Variants in WDR49 observed in about 807,000 individuals in gnomAD.
The protein encoded by WDR49 is cilia- and flagella-associated protein 337.
WDR49 carries 107 observed loss-of-function variants against 119.5 expected under a neutral mutation model. The ratio of observed to expected loss-of-function variants is 0.90; its 90% CI spans 0.77 to 1.05. The LOEUF is 1.05. Among genes scored for constraint, WDR49 ranks in the 50% least tolerant of loss-of-function variants. WDR49 has a pLI of 0.00. For missense variants in WDR49, 1,240 were observed against 1,220.5 expected (o/e 1.02, Z -0.24); for synonymous variants, 425 against 418.8 (o/e 1.01, Z -0.18).
Position 167,626,876 on chromosome 3 carries a change from C to A in WDR49, c.582G>T (p.Leu194=). Residue 194 remains leucine (L), a synonymous_variant, in exon 3 of 19, where the codon CTG becomes CTT. Coordinates refer to ENST00000682715, the MANE Select transcript of WDR49 (RefSeq NM_001366157.1). ...TKLKHLWVTS[L]VSLENVNKIA... ...CCTTGTTTACATTTTCCAGAGAAACCAGACTTGTCACCCACAGGTGTTTGA... is the reference window on the plus strand; with the variant it reads ...CCTTGTTTACATTTTCCAGAGAAACAAGACTTGTCACCCACAGGTGTTTGA... The A allele has an allele frequency of 8.0e-7, 1 of 1,249,776 alleles. No individual in the cohort carries two copies. The highest frequency in any genetic ancestry group is 1.0e-6 in the Non-Finnish European group (1 of 996,874). 77.4% of individuals were successfully genotyped at this position (1,249,776 alleles called of 1,614,324 possible).
intron 2 of WDR49, among the ~76,000 whole-genome samples, chr3:167,643,308 G>A (rs546265771): frequency 4.3e-4 from 65 of 152,096 alleles, no homozygotes; most frequent in African/African-American, 1.4e-3. Context: ...AGATAACTAC[G>A]CAGTATTCTT....
At chr3:167,533,761 C>A (rs185895427) in intron 11 of WDR49, among the ~76,000 whole-genome samples, 1 of 152,194 alleles carries the variant, frequency 6.6e-6, no homozygotes, top group Admixed American at 6.5e-5. Flanking sequence ...AGGAACAAAG[C>A]AGCAACGCCC....
At chr3:167,505,232 C>A in intron 17 of WDR49, 75 bp downstream of exon 17, 1 of 1,296,146 alleles carries the variant, frequency 7.7e-7, no homozygotes, top group South Asian at 2.3e-5. Context: ...TCCTGACACA[C>A]AGAGTAGACA....
intron 5 of WDR49, among the ~76,000 whole-genome samples, chr3:167,607,527 A>G (rs548240977): frequency 6.6e-6 from 1 of 152,238 alleles, no homozygotes; most frequent in African/African-American, 2.4e-5. Flanking sequence ...AATTATTCCA[A>G]GTTTCCTAAT....
At position 167,645,446 on chromosome 3, in the gene WDR49, G is replaced by C. The variant is rs1718075790; in HGVS notation, c.165+7815C>G. Among the ~76,000 whole-genome samples the C allele has an allele frequency of 1.3e-5, 2 of 152,090 alleles. 1 individual carries two copies. The highest frequency in any genetic ancestry group is 1.3e-4 in the Admixed American group (2 of 15,258). ...GCTAGTCTTGAACTCCTGACCTCAA[G>C]TAGTTGTGCCCGCCTTGGCCTCCCA... On this transcript the variant is annotated intron_variant, in intron 2 of 18. Coordinates refer to ENST00000682715, the MANE Select transcript of WDR49 (RefSeq NM_001366157.1).
chr3:167,544,061 G>T (rs1553864614), intron 10 of WDR49, among the ~76,000 whole-genome samples: 1 of 139,834 alleles, frequency 7.2e-6, no homozygotes, highest in South Asian at 2.3e-4. Flanking sequence ...TTTTAAGACA[G>T]CTGCAAAAAA....
At chr3:167,531,504 G>A (rs1413074280) in intron 12 of WDR49, among the ~76,000 whole-genome samples, 1 of 151,972 alleles carries the variant, frequency 6.6e-6, no homozygotes, top group Admixed American at 6.6e-5. Context: ...CACTTGCTCT[G>A]TTTTCACTTG....
upstream of WDR49, among the ~76,000 whole-genome samples, chr3:167,655,727 G>A (rs563443937): frequency 1.6e-4 from 25 of 152,168 alleles, no homozygotes; most frequent in Middle Eastern, 6.8e-3. Context: ...GAGGAACCCC[G>A]TCTCTACTAA....
chr3:167,608,073 G>A (rs1211127932), intron 5 of WDR49, among the ~76,000 whole-genome samples: 1 of 152,068 alleles, frequency 6.6e-6, no homozygotes, highest in Admixed American at 6.6e-5. Flanking sequence ...GGAACATAAA[G>A]TCCCATGATT....
upstream of WDR49, among the ~76,000 whole-genome samples, chr3:167,655,873 G>C (rs1436172501): frequency 1.3e-5 from 2 of 152,140 alleles, no homozygotes; most frequent in African/African-American, 2.4e-5. Flanking sequence ...CCTCCAGCCT[G>C]AGTGACAGAG....
intron 18 of WDR49, among the ~76,000 whole-genome samples, chr3:167,488,416 G>T (rs78541716): frequency 6.6e-5 from 10 of 151,974 alleles, no homozygotes; most frequent in Non-Finnish European, 7.4e-5. Context: ...TGAGGGGCAT[G>T]GTTTGCAAAA....
At chr3:167,622,142 C>T (rs1214923906) in intron 3 of WDR49, among the ~76,000 whole-genome samples, 1 of 152,082 alleles carries the variant, frequency 6.6e-6, no homozygotes, top group Non-Finnish European at 1.5e-5. Flanking sequence ...TAGAAAATGT[C>T]CCTGTAGAGA....
At chr3:167,521,735 A>C (rs1424369275) in intron 16 of WDR49, among the ~76,000 whole-genome samples, 1 of 152,184 alleles carries the variant, frequency 6.6e-6, no homozygotes, top group Non-Finnish European at 1.5e-5. Flanking sequence ...ATGGTTTAGC[A>C]AAAGTGTAGA....
chr3:167,607,385 G>A (rs1425624840), intron 5 of WDR49, among the ~76,000 whole-genome samples: 1 of 152,080 alleles, frequency 6.6e-6, no homozygotes, highest in Non-Finnish European at 1.5e-5. Flanking sequence ...TACGTTTCTT[G>A]CTTATCCCCC....
At chr3:167,655,925 C>CTATA (rs1182593813), upstream of WDR49, among the ~76,000 whole-genome samples, 2 of 151,456 alleles carry the variant, frequency 1.3e-5, no homozygotes, top group South Asian at 2.1e-4. Context: ...CTCTCTCTCT[C>CTATA]TATATATATA....
At chr3:167,547,345 C>T (rs762518933) in intron 10 of WDR49, among the ~76,000 whole-genome samples, 3 of 151,628 alleles carry the variant, frequency 2.0e-5, no homozygotes, top group Non-Finnish European at 4.4e-5. Context: ...ATGAAGGATG[C>T]TAATATAAAT....
intron 16 of WDR49, among the ~76,000 whole-genome samples, chr3:167,516,491 G>T (rs1752209377): frequency 6.6e-6 from 1 of 152,022 alleles, no homozygotes; most frequent in Non-Finnish European, 1.5e-5. Context: ...TCTTAATCAA[G>T]TCTATCATTG....
chr3:167,621,541 T>C lies in WDR49; in HGVS notation c.709A>G (p.Ile237Val), dbSNP rs1447157789. 2 of 1,535,656 alleles carry C rather than the reference T, an allele frequency of 1.3e-6. No homozygotes were observed. Among genetic ancestry groups the C allele is most frequent in the Non-Finnish European group, 1.7e-6 (2 of 1,146,482 alleles). ...YKLQGLKGTP[I>V]CMDYWYDPLD... The stretch of plus-strand genomic sequence containing the variant: ...GGATCATACCAATAATCCATGCAAA[T>C]TGGTGTTCCTTTCAGGCCTTGGAGT... The change falls in exon 4 of 19, where the codon ATT (isoleucine) becomes GTT (valine). Residue 237 changes from isoleucine (I) to valine (V), a missense_variant. Coordinates refer to ENST00000682715, the MANE Select transcript of WDR49 (RefSeq NM_001366157.1).
At chr3:167,518,017 AATG>A (rs1752286756) in intron 16 of WDR49, among the ~76,000 whole-genome samples, 1 of 152,032 alleles carries the variant, frequency 6.6e-6, no homozygotes, top group South Asian at 2.1e-4. Context: ...GTTTGCTGAG[AATG>A]ATGATTTCCA....
Sources: allele counts gnomAD v4.1 joint callset (sites outside exome capture counted in the v4.1 genomes callset), GRCh38; gene constraint gnomAD v4.1.1; transcripts MANE v1.5; gene names NCBI Gene and HGNC (gene_info 2026-07-23, HGNC 2026-07-21).